UGT2A2: variants seen among roughly 807,000 people sequenced by gnomAD.
The protein encoded by UGT2A2 is UDP glucuronosyltransferase family 2 member A2.
A neutral mutation model predicts 50.7 loss-of-function variants in UGT2A2; 60 were observed. The observed-to-expected ratio is 1.18, with a 90% CI of 0.96 to 1.47. The LOEUF (loss-of-function observed/expected upper bound fraction) is 1.47. Ranked by LOEUF, UGT2A2 falls within the 40% of genes most tolerant of loss-of-function variation. UGT2A2 has a pLI of 0.00. For missense variants in UGT2A2, 762 were observed against 634.0 expected (o/e 1.20, Z -2.17); for synonymous variants, 242 against 214.6 (o/e 1.13, Z -1.11).
chr4:69,595,039 T>C, intron 4 of UGT2A2, 123 bp downstream of exon 4: 1 of 1,359,106 alleles, frequency 7.4e-7, no homozygotes, highest in Non-Finnish European at 1.0e-6. Flanking sequence ...TATATCTGCT[T>C]TAAAATTGAG....
At position 69,593,347 on chromosome 4, in the gene UGT2A2, T is replaced by A. The variant is rs372158426; in HGVS notation, c.1331+1130A>T. 6.6e-5 allele frequency among the ~76,000 whole-genome samples: 10 copies of A among 152,126 alleles called. No individual in the cohort carries two copies. The East Asian group carries it at 1.9e-3, about 29-fold the overall frequency. Reference sequence around the variant, plus strand: ...GACATAAATATTGGTAAAGTAAAATTACAACATAAGTAATATAAATTTGGA... The same window carrying A: ...GACATAAATATTGGTAAAGTAAAATAACAACATAAGTAATATAAATTTGGA... On this transcript the variant is annotated intron_variant, in intron 5 of 5. Coordinates refer to ENST00000604629, the MANE Select transcript of UGT2A2 (RefSeq NM_001105677.2).
Position 69,639,196 on chromosome 4 carries a change from G to C in UGT2A2, c.445C>G (p.Gln149Glu). ...ACCAACACATCAAAACCACCTTTCT[G>C]AAGTCTTGCCATCAACTTTGGGTTC... ...LKNPKLMARLQKGGFDVLVAD... is the reference protein window; with the variant it reads ...LKNPKLMARLEKGGFDVLVAD... Residue 149 changes from glutamine to glutamate, a missense_variant, in exon 1 of 6, where the codon CAG becomes GAG. Transcript: ENST00000604629. 1 of 1,613,678 alleles carries C rather than the reference G, an allele frequency of 6.2e-7. No homozygotes were observed. The highest frequency in any genetic ancestry group is 8.5e-7 in the Non-Finnish European group (1 of 1,179,758).
intron 5 of UGT2A2, among the ~76,000 whole-genome samples, chr4:69,593,708 T>C (rs918690181): frequency 6.6e-6 from 1 of 151,772 alleles, no homozygotes; most frequent in Non-Finnish European, 1.5e-5. Flanking sequence ...AATTATCCAC[T>C]ACCCTATATC....
At chr4:69,625,813 T>C (rs184280193) in intron 1 of UGT2A2, among the ~76,000 whole-genome samples, 1 of 151,598 alleles carries the variant, frequency 6.6e-6, no homozygotes, top group East Asian at 1.9e-4. Context: ...TAAACAAATA[T>C]TAAAATTAAT....
rs929179141 is a variant in UGT2A2, at chr4:69,589,154, A to T, written c.*218T>A. The T allele has an allele frequency of 8.1e-6, 4 of 491,816 alleles. No individual in the cohort carries two copies. The highest frequency in any genetic ancestry group is 1.3e-5 in the Non-Finnish European group (4 of 313,368). 30.5% of individuals were successfully genotyped at this position (491,816 alleles called of 1,614,324 possible). On this transcript the variant is annotated 3_prime_UTR_variant, in exon 6 of 6. Transcript: ENST00000604629. ...AAGAGGGTATAGTCAGCAGGGAGAG[A>T]CAAAGGAAAAATAGAAGACTATAAC...
intron 1 of UGT2A2, 22 bp from the exon 2 acceptor site, chr4:69,599,416 G>C (rs866217036): frequency 6.2e-7 from 1 of 1,608,998 alleles, no homozygotes. Context: ...GTAACAAGTT[G>C]GATGGAGGAA....
chr4:69,596,469 G>A (rs1718940085), intron 2 of UGT2A2, 88 bp from the exon 3 acceptor site: 6 of 1,369,326 alleles, frequency 4.4e-6, no homozygotes, highest in Non-Finnish European at 5.7e-6. Context: ...GTAAAATTAA[G>A]ATATATGTCA....
At chr4:69,614,881 C>A (rs1001243075) in intron 1 of UGT2A2, among the ~76,000 whole-genome samples, 3 of 151,992 alleles carry the variant, frequency 2.0e-5, no homozygotes, top group African/African-American at 7.2e-5. Context: ...ACAGGCTGTA[C>A]AGGAGGCATG....
In UGT2A2 at chr4:69,639,265, T is replaced by C; in HGVS notation, c.376A>G (p.Thr126Ala). The change falls in exon 1 of 6, where the codon ACT (threonine) becomes GCT (alanine). Residue 126 changes from threonine (T) to alanine (A), a missense_variant. Physicochemically the swap from Thr to Ala is moderately conservative, Grantham distance 58. Transcript: ENST00000604629. ...FYKELGKLLD[T>A]FFQINIQLCD... ...AGTTGTATGTTAATTTGAAAGAAAG[T>C]GTCTAGAAGTTTTCCTAGTTCTTTG... is the stretch of plus-strand genomic sequence containing the variant. 1 of 1,613,698 alleles carries C rather than the reference T, an allele frequency of 6.2e-7. No homozygotes were observed. The highest frequency in any genetic ancestry group is 1.7e-5 in the Admixed American group (1 of 59,972).
intron 4 of UGT2A2, 143 bp downstream of exon 4, chr4:69,595,019 A>G (rs1347828486): frequency 5.0e-6 from 6 of 1,209,092 alleles, no homozygotes; most frequent in African/African-American, 1.5e-5. Flanking sequence ...TTAATGGCCA[A>G]TTATGTAATT....
chr4:69,599,249 A>C lies in UGT2A2; in HGVS notation c.888T>G (p.Pro296=). ...TCCTCCACTGTTGTAGACCTACCTT[A>C]GGTAAAGGTTTGGCAGGTTTGCAGT... ...GLHCKPAKPL[P]KEMEEFIQSS... Residue 296 remains proline, a synonymous_variant, in exon 2 of 6, where the codon CCT becomes CCG. Coordinates refer to ENST00000604629, the MANE Select transcript of UGT2A2 (RefSeq NM_001105677.2). The C allele has an allele frequency of 6.2e-7, 1 of 1,613,230 alleles. No individual in the cohort carries two copies. The highest frequency in any genetic ancestry group is 8.5e-7 in the Non-Finnish European group (1 of 1,179,698).
chr4:69,610,489 A>G (rs1719968432), intron 1 of UGT2A2, among the ~76,000 whole-genome samples: 1 of 152,142 alleles, frequency 6.6e-6, no homozygotes, highest in Non-Finnish European at 1.5e-5. Context: ...ACCAATTAAT[A>G]TTATGCACCC....
chr4:69,593,866 CTAAT>C (rs749477620), intron 5 of UGT2A2, among the ~76,000 whole-genome samples: 17 of 150,364 alleles, frequency 1.1e-4, no homozygotes, highest in Non-Finnish European at 2.1e-4. Flanking sequence ...TACATACTTA[CTAAT>C]TAGTTTATAA....
At chr4:69,634,657 GAGA>G (rs1721578022) in intron 1 of UGT2A2, among the ~76,000 whole-genome samples, 1 of 152,040 alleles carries the variant, frequency 6.6e-6, no homozygotes, top group African/African-American at 2.4e-5. Flanking sequence ...GCGGAACAAA[GAGA>G]AGAATAATAT....
chr4:69,601,431 T>C (rs2109895107), intron 1 of UGT2A2, among the ~76,000 whole-genome samples: 1 of 152,126 alleles, frequency 6.6e-6, no homozygotes, highest in East Asian at 1.9e-4. Flanking sequence ...AGCACAAAAC[T>C]CACTTCTACC....
chr4:69,639,467 A>G lies in UGT2A2; in HGVS notation c.174T>C (p.Asn58=), dbSNP rs1445624602. 1 of 1,613,224 alleles carries G rather than the reference A, an allele frequency of 6.2e-7. No individual in the cohort carries two copies. The highest frequency in any genetic ancestry group is 8.5e-7 in the Non-Finnish European group (1 of 1,179,568). ...TTGCTGATGAAGCCAGTACAGTCAC[A>G]TTGTGATTTCTTTGAATCAACTCTT... ...ILEELIQRNH[N]VTVLASSATL... is the part of the protein sequence containing the mutation. Residue 58 remains asparagine, a synonymous_variant, in exon 1 of 6, where the codon AAT becomes AAC. Coordinates refer to ENST00000604629, the MANE Select transcript of UGT2A2 (RefSeq NM_001105677.2).
At chr4:69,619,901 C>T (rs779642139) in intron 1 of UGT2A2, among the ~76,000 whole-genome samples, 2 of 151,906 alleles carry the variant, frequency 1.3e-5, no homozygotes, top group Non-Finnish European at 2.9e-5. Flanking sequence ...ACAAAAACCA[C>T]AAGATTACCT....
intron 1 of UGT2A2, among the ~76,000 whole-genome samples, chr4:69,609,634 T>C (rs549393476): frequency 2.6e-5 from 4 of 152,254 alleles, no homozygotes; most frequent in South Asian, 4.1e-4. Context: ...TAGTATAATG[T>C]CTCTGAGATG....
chr4:69,606,540 C>A (rs1359608715), intron 1 of UGT2A2, among the ~76,000 whole-genome samples: 1 of 136,262 alleles, frequency 7.3e-6, no homozygotes, highest in African/African-American at 3.0e-5. Context: ...TCTCACCACT[C>A]CTATTCAACA....
Sources: gnomAD v4.1 joint callset for allele counts (sites outside exome capture counted in the v4.1 genomes callset) on GRCh38, gnomAD v4.1.1 for gene constraint, MANE v1.5 for transcripts, NCBI Gene and HGNC (gene_info 2026-07-23, HGNC 2026-07-21) for gene names.